APOA2: variants seen among roughly 807,000 people sequenced by gnomAD.
APOA2 encodes apolipoprotein A-II.
In APOA2, 3 loss-of-function variants were observed where a neutral mutation model predicts 7.4. The observed-to-expected ratio is 0.41, with a 90% CI of 0.18 to 1.05. APOA2 has a LOEUF of 1.05. APOA2 is among the 50% of genes least tolerant of loss of function. The probability of loss-of-function intolerance (pLI) is 0.33; values close to 1 mark genes in which losing one functional copy is unlikely to be tolerated. For synonymous variants in APOA2, 42 were observed against 47.8 expected (o/e 0.88, Z 0.50); for missense variants, 90 against 116.3 (o/e 0.77, Z 1.04).
At position 161,223,059 on chromosome 1, in the gene APOA2, AC is replaced by A; in HGVS notation, c.53-10del. On this transcript the variant is annotated splice_polypyrimidine_tract_variant and intron_variant, in intron 2 of 3. Coordinates refer to ENST00000367990, the MANE Select transcript of APOA2 (RefSeq NM_001643.2). ...TCTCCGAACCAAAGCTCCTGCCCAC[AC>A]ACACACACACACACACACACACACA... 3 of 105,346 alleles carry A rather than the reference AC, an allele frequency of 2.8e-5. No individual in the cohort carries two copies. The highest frequency in any genetic ancestry group is 4.0e-5 in the Non-Finnish European group (3 of 74,644). The allele number at this position is 105,346 out of a possible 1,614,324, so 6.5% of individuals were successfully genotyped here.
At position 161,222,826 on chromosome 1, in the gene APOA2, A is replaced by G. The variant is rs1666192615; in HGVS notation, c.185+92T>C. 15 of 1,595,772 alleles carry G rather than the reference A, an allele frequency of 9.4e-6. No homozygotes were observed. The Admixed American group carries it at 2.5e-4, about 27-fold the overall frequency. On this transcript the variant is annotated intron_variant, in intron 3 of 3. Coordinates refer to ENST00000367990, the MANE Select transcript of APOA2 (RefSeq NM_001643.2). Reference sequence around the variant, plus strand: ...TTAAGCCTAATCTGCCCTAATCCCCACCCCTGGGTTCAGACTTCTGTGGGA... The same window carrying G: ...TTAAGCCTAATCTGCCCTAATCCCCGCCCCTGGGTTCAGACTTCTGTGGGA...
rs201433891 is a variant in APOA2, at chr1:161,223,422, C to T, written c.-21G>A. The stretch of plus-strand genomic sequence containing the variant: ...TTCATGTTGGTAACAGTGGGGAGGG[C>T]GGCCTAGGAAGAGGGTGGTGGGGGT... On this transcript the variant is annotated 5_prime_UTR_variant, in exon 2 of 4. Coordinates refer to ENST00000367990, the MANE Select transcript of APOA2 (RefSeq NM_001643.2). 8.6e-5 allele frequency: 138 copies of T among 1,610,528 alleles called. No homozygotes were observed. The highest frequency in any genetic ancestry group is 1.5e-4 in the African/African-American group (11 of 74,858).
intron 3 of APOA2, 149 bp downstream of exon 3, chr1:161,222,769 C>G: frequency 8.3e-7 from 1 of 1,209,032 alleles, no homozygotes; most frequent in South Asian, 1.3e-5. Flanking sequence ...CGTGTGGGAT[C>G]TTTGGGTGAT....
chr1:161,222,947 G>A lies in APOA2; in HGVS notation c.156C>T (p.Val52=), dbSNP rs1666194710. 6.2e-7 allele frequency: 1 copy of A among 1,614,008 alleles called. No individual in the cohort carries two copies. Among genetic ancestry groups the A allele is most frequent in the Admixed American group, 1.7e-5 (1 of 59,998 alleles). Residue 52 remains valine (V), a synonymous_variant, in exon 3 of 4, where the codon GTC becomes GTT. Transcript: ENST00000367990. ...TDYGKDLMEK[V]KSPELQAEAK... ...CCTCGGCCTGAAGCTCTGGGCTCTT[G>A]ACCTTCTCCATCAGGTCCTTGCCAT...
chr1:161,222,352 C>A lies in APOA2; in HGVS notation c.*53G>T. ...GTAGGGACAGGAGCTCTAGGACTGGCCAGTGGGTGTTCTAGAGGCCAGCTG... is the reference window on the plus strand; with the variant it reads ...GTAGGGACAGGAGCTCTAGGACTGGACAGTGGGTGTTCTAGAGGCCAGCTG... On this transcript the variant is annotated 3_prime_UTR_variant, in exon 4 of 4. Transcript: ENST00000367990. 2.2e-6 allele frequency: 3 copies of A among 1,360,480 alleles called. No homozygotes were observed. Among genetic ancestry groups the A allele is most frequent in the Non-Finnish European group, 3.2e-6 (3 of 950,124 alleles). The allele number at this position is 1,360,480 out of a possible 1,614,324, so 84.3% of individuals were successfully genotyped here.
In APOA2 at chr1:161,223,055, CCACACACACACACACACA is replaced by C. The variant is rs17244502; in HGVS notation, c.53-23_53-6del. 6.6e-4 allele frequency: 1,046 copies of C among 1,588,402 alleles called. 1 individual carries two copies. Among genetic ancestry groups the C allele is most frequent in the Non-Finnish European group, 7.1e-4 (832 of 1,166,664 alleles). Reference sequence around the variant, plus strand: ...CCTGTCTCCGAACCAAAGCTCCTGCCCACACACACACACACACACACACACACACACACACACACTCTT... The same window carrying C: ...CCTGTCTCCGAACCAAAGCTCCTGCCCACACACACACACACACACACTCTT... On this transcript the variant is annotated splice_region_variant and splice_polypyrimidine_tract_variant and intron_variant, in intron 2 of 3. Transcript: ENST00000367990.
At position 161,222,954 on chromosome 1, in the gene APOA2, T is replaced by C; in HGVS notation, c.149A>G (p.Glu50Gly). The C allele has an allele frequency of 6.2e-7, 1 of 1,614,064 alleles. No individual in the cohort carries two copies. Among genetic ancestry groups the C allele is most frequent in the Non-Finnish European group, 8.5e-7 (1 of 1,180,010 alleles). Residue 50 changes from glutamate to glycine, a missense_variant, in exon 3 of 4, where the codon GAG (glutamate) becomes GGG (glycine). Coordinates refer to ENST00000367990, the MANE Select transcript of APOA2 (RefSeq NM_001643.2). Reference protein sequence around the residue: ...TVTDYGKDLMEKVKSPELQAE... With the variant: ...TVTDYGKDLMGKVKSPELQAE... ...CTGAAGCTCTGGGCTCTTGACCTTC[T>C]CCATCAGGTCCTTGCCATAGTCAGT...
chr1:161,223,339 A>G lies in APOA2; in HGVS notation c.52+11T>C, dbSNP rs370865942. 33 of 1,613,792 alleles carry G rather than the reference A, an allele frequency of 2.0e-5. No individual in the cohort carries two copies. The African/African-American group carries it at 4.0e-4, about 20-fold the overall frequency. On this transcript the variant is annotated intron_variant, in intron 2 of 3. Coordinates refer to ENST00000367990, the MANE Select transcript of APOA2 (RefSeq NM_001643.2). ...TTCTCCCTTTTGGCCCCCTCTCCATATCACACCCACCTTCAAGGCTGCAGA... is the reference window on the plus strand; with the variant it reads ...TTCTCCCTTTTGGCCCCCTCTCCATGTCACACCCACCTTCAAGGCTGCAGA...
intron 2 of APOA2, 123 bp from the exon 3 acceptor site, chr1:161,223,173 C>T (rs921486334): frequency 1.5e-5 from 23 of 1,569,298 alleles, no homozygotes; most frequent in Non-Finnish European, 2.0e-5. Context: ...CTCTCTGCCC[C>T]CTCCCCAAAA....
chr1:161,222,587 G>A, intron 3 of APOA2, 65 bp from the exon 4 acceptor site: 1 of 1,412,964 alleles, frequency 7.1e-7, no homozygotes, highest in Non-Finnish European at 1.0e-6. Flanking sequence ...GGCCTTGGTG[G>A]TGGTGGGAGG....
rs755798056 is a variant in APOA2, at chr1:161,223,042, C to T, written c.61G>A (p.Val21Ile). Residue 21 changes from valine (V) to isoleucine (I), a missense_variant, in exon 3 of 4, where the codon GTT becomes ATT. Transcript: ENST00000367990. ...CATGGCTCCTTTGCCTGTCTCCGAA[C>T]CAAAGCTCCTGCCCACACACACACA... The part of the protein sequence containing the change: ...LTICSLEGAL[V>I]RRQAKEPCVE... The T allele has an allele frequency of 2.7e-5, 43 of 1,607,574 alleles. No homozygotes were observed. The highest frequency in any genetic ancestry group is 3.5e-5 in the Non-Finnish European group (41 of 1,178,698).
rs764207506 is a variant in APOA2, at chr1:161,222,930, T to C, written c.173A>G (p.Gln58Arg). 3.1e-6 allele frequency: 5 copies of C among 1,614,072 alleles called. No individual in the cohort carries two copies. The East Asian group carries it at 1.1e-4, about 36-fold the overall frequency. Residue 58 changes from glutamine to arginine, a missense_variant, in exon 3 of 4, where the codon CAG (glutamine) becomes CGG (arginine). Transcript: ENST00000367990. ...LMEKVKSPEL[Q>R]AEAKSYFEKS... ...CCCTGAGACTTACTTGGCCTCGGCCTGAAGCTCTGGGCTCTTGACCTTCTC... is the reference window on the plus strand; with the variant it reads ...CCCTGAGACTTACTTGGCCTCGGCCCGAAGCTCTGGGCTCTTGACCTTCTC...
intron 2 of APOA2, 133 bp downstream of exon 2, chr1:161,223,217 G>A (rs1666204732): frequency 9.6e-6 from 15 of 1,554,512 alleles, no homozygotes; most frequent in Admixed American, 1.9e-5. Flanking sequence ...TGGGCTTTCT[G>A]GGCTTTAGAG....
At chr1:161,223,312 C>T (rs375766015) in intron 2 of APOA2, 38 bp downstream of exon 2, 8 of 1,612,102 alleles carry the variant, frequency 5.0e-6, no homozygotes, top group African/African-American at 1.3e-5. Context: ...ACCACCAGCA[C>T]ATTCTCCCTT....
Position 161,222,317 on chromosome 1 carries a change from C to A in APOA2, c.*88G>T. ...TGGATTCATTCAGCATTTATTGTAGCAAAGAGTGGGTAGGGACAGGAGCTC... is the reference window on the plus strand; with the variant it reads ...TGGATTCATTCAGCATTTATTGTAGAAAAGAGTGGGTAGGGACAGGAGCTC... On this transcript the variant is annotated 3_prime_UTR_variant, in exon 4 of 4. Coordinates refer to ENST00000367990, the MANE Select transcript of APOA2 (RefSeq NM_001643.2). The A allele has an allele frequency of 1.0e-6, 1 of 956,532 alleles. No individual in the cohort carries two copies. Among genetic ancestry groups the A allele is most frequent in the Non-Finnish European group, 1.7e-6 (1 of 596,480 alleles). 59.3% of individuals were successfully genotyped at this position (956,532 alleles called of 1,614,324 possible). A position where few individuals can be genotyped will look rare whatever the true frequency, so the allele number is the denominator to read the frequency against.
intron 3 of APOA2, 54 bp from the exon 4 acceptor site, chr1:161,222,576 G>C: frequency 6.7e-7 from 1 of 1,495,856 alleles, no homozygotes; most frequent in South Asian, 1.1e-5. Context: ...GCACTGGCAG[G>C]GGCCTTGGTG....
Position 161,222,364 on chromosome 1 carries a change from C to A in APOA2, c.*41G>T, listed in dbSNP as rs1205998906. ...GCTCTAGGACTGGCCAGTGGGTGTT[C>A]TAGAGGCCAGCTGGGGTTGGAAGAC... is the stretch of plus-strand genomic sequence containing the variant. On this transcript the variant is annotated 3_prime_UTR_variant, in exon 4 of 4. Transcript: ENST00000367990. The A allele has an allele frequency of 6.5e-7, 1 of 1,536,878 alleles. No individual in the cohort carries two copies. The highest frequency in any genetic ancestry group is 1.1e-5 in the South Asian group (1 of 89,286).
chr1:161,222,577 G>A (rs1666188591), intron 3 of APOA2, 55 bp from the exon 4 acceptor site: 1 of 1,489,348 alleles, frequency 6.7e-7, no homozygotes, highest in Non-Finnish European at 9.4e-7. Context: ...CACTGGCAGG[G>A]GCCTTGGTGG....
chr1:161,222,914 TTACTTGGCCTCGGCC>T lies in APOA2; in HGVS notation c.174_185+3del. The T allele has an allele frequency of 6.2e-7, 1 of 1,614,194 alleles. No homozygotes were observed. The highest frequency in any genetic ancestry group is 8.5e-7 in the Non-Finnish European group (1 of 1,180,022). ...GCCCCTGAACCCCTTGCCCTGAGACTTACTTGGCCTCGGCCTGAAGCTCTGGGCTCTTGACCTTCT... is the reference window on the plus strand; with the variant it reads ...GCCCCTGAACCCCTTGCCCTGAGACTTGAAGCTCTGGGCTCTTGACCTTCT... On this transcript the variant is annotated splice_donor_variant and splice_donor_region_variant and coding_sequence_variant and intron_variant, in exon 3 of 4. Coordinates refer to ENST00000367990, the MANE Select transcript of APOA2 (RefSeq NM_001643.2). LOFTEE classifies it high-confidence loss of function.
Sources: allele counts gnomAD v4.1 joint callset, GRCh38; gene constraint gnomAD v4.1.1; transcripts MANE v1.5; gene names NCBI Gene and HGNC (gene_info 2026-07-23, HGNC 2026-07-21).